Variants in GHSR observed in about 807,000 individuals in gnomAD.
GHSR encodes growth hormone secretagogue receptor.
In GHSR, 17 loss-of-function variants were observed where a neutral mutation model predicts 24.0. The observed-to-expected ratio is 0.71, with a 90% CI of 0.49 to 1.06. The LOEUF (loss-of-function observed/expected upper bound fraction) is 1.06. Among genes scored for constraint, GHSR ranks in the 50% least tolerant of loss-of-function variants. The pLI is 0.00. For missense variants in GHSR, 504 were observed against 483.1 expected, an observed-to-expected ratio of 1.04 and a Z score of -0.41; for synonymous variants, 238 against 208.1, an observed-to-expected ratio of 1.14 and a Z score of -1.24.
rs1737421787 is a variant in GHSR at position 172,444,932 on chromosome 3, A to G, written c.*229T>C. Among the ~76,000 whole-genome samples the G allele has an allele frequency of 6.6e-6, 1 of 152,214 alleles. No homozygotes were observed. The highest frequency in any genetic ancestry group is 1.5e-5 in the Non-Finnish European group (1 of 68,044). On this transcript the variant is annotated 3_prime_UTR_variant, in exon 2 of 2. Coordinates refer to ENST00000241256, the MANE Select transcript of GHSR (RefSeq NM_198407.2). ...CTCACCAGCACCCGCAGCAGAATGC[A>G]AAATCATAGACAGTGAATATGCAGA...
At position 172,448,239 on chromosome 3, in the gene GHSR, C is replaced by A. The variant is rs966256034; in HGVS notation, c.175G>T (p.Ala59Ser). 3 of 1,614,008 alleles carry A rather than the reference C, an allele frequency of 1.9e-6. No homozygotes were observed. The highest frequency in any genetic ancestry group is 1.1e-5 in the South Asian group (1 of 91,090). Residue 59 changes from alanine to serine, a missense_variant, in exon 1 of 2, where the codon GCT becomes TCT. By Grantham distance (99) the Ala-to-Ser change is moderately conservative (BLOSUM62 1). Coordinates refer to ENST00000241256, the MANE Select transcript of GHSR (RefSeq NM_198407.2). The surrounding 1 kb of genome is among the most constrained non-coding windows in gnomAD (Gnocchi z 4.8). Reference sequence around the variant, plus strand: ...ACCAGCATGGTGAGCAGGTTGCCAGCGATGCCCACCACGAAGAGTGCCACG... The same window carrying A: ...ACCAGCATGGTGAGCAGGTTGCCAGAGATGCCCACCACGAAGAGTGCCACG... ...TCVALFVVGIAGNLLTMLVVS... is the reference protein window; with the variant it reads ...TCVALFVVGISGNLLTMLVVS...
rs1231922008 is a variant in GHSR, at chr3:172,447,838, A to C, written c.576T>G (p.Pro192=). The change falls in exon 1 of 2, where the codon CCT becomes CCG. Residue 192 remains proline, a synonymous_variant. Transcript: ENST00000241256. ...VGVEHENGTD[P]WDTNECRPTE... is the part of the protein sequence containing the mutation. ...TGGGGCGGCACTCGTTGGTGTCCCA[A>C]GGGTCGGTGCCGTTCTCGTGCTCCA... 6.2e-7 allele frequency: 1 copy of C among 1,613,962 alleles called. No individual in the cohort carries two copies.
At chr3:172,446,688 T>G (rs1737469854) in intron 1 of GHSR, among the ~76,000 whole-genome samples, 1 of 152,236 alleles carries the variant, frequency 6.6e-6, no homozygotes, top group African/African-American at 2.4e-5. Flanking sequence ...TTACTTCACT[T>G]GTACCAAACA....
At position 172,448,128 on chromosome 3, in the gene GHSR, T is replaced by C. The variant is rs1366030988; in HGVS notation, c.286A>G (p.Met96Val). Residue 96 changes from methionine to valine, a missense_variant, in exon 1 of 2, where the codon ATG becomes GTG. By Grantham distance (21) the Met-to-Val change is conservative. Transcript: ENST00000241256. The surrounding 1 kb of genome is among the most constrained non-coding windows in gnomAD (Gnocchi z 4.8). Reference protein sequence around the residue: ...AFSDLLIFLCMPLDLVRLWQY... With the variant: ...AFSDLLIFLCVPLDLVRLWQY... Reference sequence around the variant, plus strand: ...CAGAGGCGAACGAGGTCCAGGGGCATGCAGAGGAAGATGAGCAGATCGGAG... The same window carrying C: ...CAGAGGCGAACGAGGTCCAGGGGCACGCAGAGGAAGATGAGCAGATCGGAG... 5 of 1,614,052 alleles carry C rather than the reference T, an allele frequency of 3.1e-6. No homozygotes were observed. The Admixed American group carries it at 8.3e-5, about 27-fold the overall frequency.
chr3:172,445,935 C>G (rs1251435404), intron 1 of GHSR, among the ~76,000 whole-genome samples: 16 of 149,828 alleles, frequency 1.1e-4, no homozygotes, highest in Admixed American at 1.1e-3. Context: ...TATGTTTTAT[C>G]TTCTCTTTTT....
In GHSR at chr3:172,445,386, A is replaced by G; in HGVS notation, c.876T>C (p.Pro292=). ...GRYLFSKSFE[P]GSLEIAQISQ... ...TGATCTGAGCAATCTCCAAGGAGCC[A>G]GGCTCAAAGGATTTGGAAAATAAAT... is the stretch of plus-strand genomic sequence containing the variant. Residue 292 remains proline (P), a synonymous_variant, in exon 2 of 2, where the codon CCT becomes CCC. Transcript: ENST00000241256. 6.2e-7 allele frequency: 1 copy of G among 1,614,196 alleles called. No homozygotes were observed. The highest frequency in any genetic ancestry group is 8.5e-7 in the Non-Finnish European group (1 of 1,180,038).
chr3:172,445,055 T>C lies in GHSR; in HGVS notation c.*106A>G. ...TCCCTCCCAGATGTTTCTGGATCTA[T>C]GTGTTCCTAATTCCAAAATTAACCT... On this transcript the variant is annotated 3_prime_UTR_variant, in exon 2 of 2. Transcript: ENST00000241256. 4 of 1,236,672 alleles carry C rather than the reference T, an allele frequency of 3.2e-6. No individual in the cohort carries two copies. The highest frequency in any genetic ancestry group is 1.7e-5 in the Admixed American group (1 of 58,714). 76.6% of individuals were successfully genotyped at this position (1,236,672 alleles called of 1,614,324 possible). A position where few individuals can be genotyped will look rare whatever the true frequency, so the allele number is the denominator to read the frequency against.
At position 172,447,712 on chromosome 3, in the gene GHSR, GA is replaced by G. The variant is rs1737504042; in HGVS notation, c.701del (p.Leu234ProfsTer29). ...PVFCLTVLYS[L>X]IGRKLWRRRR... ...TCCTCCGCCACAGCTTCCTGCCGAT[GA>G]GACTGTAGAGGACCGTGAGACAGAA... On this transcript the variant is annotated frameshift_variant, in exon 1 of 2. Transcript: ENST00000241256. LOFTEE classifies it high-confidence loss of function. The G allele has an allele frequency of 1.2e-6, 2 of 1,614,028 alleles. No homozygotes were observed. The highest frequency in any genetic ancestry group is 1.7e-6 in the Non-Finnish European group (2 of 1,180,040).
chr3:172,445,552 T>C, intron 1 of GHSR, 87 bp from the exon 2 acceptor site: 1 of 1,349,330 alleles, frequency 7.4e-7, no homozygotes, highest in South Asian at 1.3e-5. Flanking sequence ...TTTTGTTTCA[T>C]GGTCTATGAC....
intron 1 of GHSR, 192 bp downstream of exon 1, chr3:172,447,426 T>G (rs966634908): frequency 4.0e-6 from 5 of 1,247,030 alleles, no homozygotes; most frequent in South Asian, 1.8e-5. Flanking sequence ...GATTGAGAGA[T>G]CAAAAACATC....
chr3:172,444,003 C>T lies in GHSR; in HGVS notation c.*1158G>A, dbSNP rs182732562. Among the ~76,000 whole-genome samples the T allele has an allele frequency of 3.3e-3, 496 of 152,226 alleles. 1 individual carries two copies. Among genetic ancestry groups the T allele is most frequent in the Admixed American group, 6.2e-3 (95 of 15,288 alleles). On this transcript the variant is annotated 3_prime_UTR_variant, in exon 2 of 2. Transcript: ENST00000241256. ...ACTTTCTTGTAATCTTGCCAGAGCA[C>T]GTTACAAATTGTTCCCTTATTCACA...
Position 172,447,927 on chromosome 3 carries a change from C to G in GHSR, c.487G>C (p.Val163Leu). 6.2e-7 allele frequency: 1 copy of G among 1,612,758 alleles called. No homozygotes were observed. The highest frequency in any genetic ancestry group is 8.5e-7 in the Non-Finnish European group (1 of 1,178,812). ...VVVTKGRVKL[V>L]IFVIWAVAFC... ...GCCACGGCCCAGATGACGAAGATGA[C>G]CAGCTTCACCCGCCCCTTGGTGACC... Residue 163 changes from valine to leucine, a missense_variant, in exon 1 of 2, where the codon GTC becomes CTC. Coordinates refer to ENST00000241256, the MANE Select transcript of GHSR (RefSeq NM_198407.2).
rs565105 is a variant in GHSR at position 172,444,327 on chromosome 3, G to T, written c.*834C>A. Among the ~76,000 whole-genome samples the T allele has an allele frequency of 0.68, 103,239 of 152,010 alleles. 35,541 individuals carry two copies. Among genetic ancestry groups the T allele is most frequent in the Non-Finnish European group, 0.74 (50,606 of 67,950 alleles). On this transcript the variant is annotated 3_prime_UTR_variant, in exon 2 of 2. Transcript: ENST00000241256. ...ACATTTCATATAAGGTGAATGATAAGTTTTGTATATACTCTAGAGCTGTAC... is the reference window on the plus strand; with the variant it reads ...ACATTTCATATAAGGTGAATGATAATTTTTGTATATACTCTAGAGCTGTAC...
chr3:172,448,259 G>T lies in GHSR; in HGVS notation c.155C>A (p.Ala52Glu). ...GCCAGCGATGCCCACCACGAAGAGT[G>T]CCACGCAGGTGGCTGTGACGCCCGC... ...LLAGVTATCV[A>E]LFVVGIAGNL... Residue 52 changes from alanine to glutamate, a missense_variant, in exon 1 of 2, where the codon GCA becomes GAA. By Grantham distance (107) the Ala-to-Glu change is moderately radical. Coordinates refer to ENST00000241256, the MANE Select transcript of GHSR (RefSeq NM_198407.2). This position sits in a 1 kb window ranked among gnomAD's most constrained non-coding sequence, Gnocchi z 4.8. 6.2e-7 allele frequency: 1 copy of T among 1,613,604 alleles called. No homozygotes were observed. The highest frequency in any genetic ancestry group is 8.5e-7 in the Non-Finnish European group (1 of 1,179,974).
In GHSR at chr3:172,448,203, A is replaced by C; in HGVS notation, c.211T>G (p.Phe71Val). The C allele has an allele frequency of 6.2e-7, 1 of 1,614,146 alleles. No individual in the cohort carries two copies. Among genetic ancestry groups the C allele is most frequent in the Non-Finnish European group, 8.5e-7 (1 of 1,180,046 alleles). Residue 71 changes from phenylalanine (F) to valine (V), a missense_variant, in exon 1 of 2, where the codon TTC becomes GTC. Coordinates refer to ENST00000241256, the MANE Select transcript of GHSR (RefSeq NM_198407.2). The surrounding 1 kb of genome is among the most constrained non-coding windows in gnomAD (Gnocchi z 4.8). ...NLLTMLVVSR[F>V]RELRTTTNLY... is the part of the protein sequence containing the mutation. ...TTGGTGGTGGTGCGCAGCTCGCGGA[A>C]GCGCGACACCACCAGCATGGTGAGC...
In GHSR at chr3:172,448,394, C is replaced by G; in HGVS notation, c.20G>C (p.Ser7Thr). 1 of 1,596,116 alleles carries G rather than the reference C, an allele frequency of 6.3e-7. No homozygotes were observed. The highest frequency in any genetic ancestry group is 8.5e-7 in the Non-Finnish European group (1 of 1,178,548). ...TGTGAGGTTGAACCCCGGCTCTTCG[C>G]TGGGCGTCGCGTTCCACATGCTGCC... MWNATP[S>T]EEPGFNLTLA... The change falls in exon 1 of 2, where the codon AGC (serine) becomes ACC (threonine). Residue 7 changes from serine to threonine, a missense_variant. Transcript: ENST00000241256. The surrounding 1 kb of genome is among the most constrained non-coding windows in gnomAD (Gnocchi z 4.8).
At position 172,447,991 on chromosome 3, in the gene GHSR, G is replaced by T; in HGVS notation, c.423C>A (p.Arg141=). ...GGAGTGGGAAGCAGATGGCGAAGTA[G>T]CGCTCGACGCTCAGCGCTGTGATGG... The part of the protein sequence containing the change: ...VLTITALSVE[R]YFAICFPLRA... Residue 141 remains arginine (R), a synonymous_variant, in exon 1 of 2, where the codon CGC becomes CGA. Coordinates refer to ENST00000241256, the MANE Select transcript of GHSR (RefSeq NM_198407.2). 1 of 1,614,236 alleles carries T rather than the reference G, an allele frequency of 6.2e-7. No individual in the cohort carries two copies. The highest frequency in any genetic ancestry group is 8.5e-7 in the Non-Finnish European group (1 of 1,180,026).
chr3:172,446,955 C>T (rs1209722370), intron 1 of GHSR, among the ~76,000 whole-genome samples: 1 of 152,158 alleles, frequency 6.6e-6, no homozygotes, highest in Non-Finnish European at 1.5e-5. Flanking sequence ...CCTTACAAAG[C>T]TGTATGAACA....
chr3:172,446,428 C>T (rs998123098), intron 1 of GHSR, among the ~76,000 whole-genome samples: 8 of 152,138 alleles, frequency 5.3e-5, no homozygotes, highest in Non-Finnish European at 1.0e-4. Context: ...AGTCATATCA[C>T]GAGAATCACC....
Sources: allele counts gnomAD v4.1 joint callset (sites outside exome capture counted in the v4.1 genomes callset), GRCh38; gene constraint gnomAD v4.1.1; non-coding constraint Gnocchi (gnomAD v3.1); transcripts MANE v1.5; gene names NCBI Gene and HGNC (gene_info 2026-07-23, HGNC 2026-07-21).